MTFR1: variants seen among roughly 807,000 people sequenced by gnomAD.
The protein encoded by MTFR1 is mitochondrial fission regulator 1.
Under a neutral mutation model 38.8 loss-of-function variants are expected in MTFR1, and 28 were observed. That is an observed-to-expected ratio of 0.72 (90% CI 0.53 to 0.99). The LOEUF (loss-of-function observed/expected upper bound fraction) is 0.99. Ranked by LOEUF, MTFR1 falls within the 50% of genes least tolerant of loss-of-function variation. The probability of loss-of-function intolerance (pLI) is 0.00; values close to 1 mark genes in which losing one functional copy is unlikely to be tolerated. For synonymous variants in MTFR1, 145 were observed against 137.0 expected, an observed-to-expected ratio of 1.06 and a Z score of -0.41; for missense variants, 358 against 395.5, an observed-to-expected ratio of 0.91 and a Z score of 0.81.
intron 2 of MTFR1, among the ~76,000 whole-genome samples, chr8:65,678,698 C>T (rs910898466): frequency 6.6e-6 from 1 of 152,018 alleles, no homozygotes; most frequent in Admixed American, 6.6e-5. Context: ...GTCAGGAGTT[C>T]GAAACCAGCC....
chr8:65,644,972 C>G (rs977477974), intron 1 of MTFR1, among the ~76,000 whole-genome samples, 188 bp downstream of exon 1: 1 of 152,248 alleles, frequency 6.6e-6, no homozygotes, highest in East Asian at 1.9e-4. Flanking sequence ...GAGGCAGAGA[C>G]TGCCTCGGCT....
downstream of MTFR1, among the ~76,000 whole-genome samples, chr8:65,772,563 T>C (rs1809135468): frequency 6.6e-6 from 1 of 152,192 alleles, no homozygotes; most frequent in Non-Finnish European, 1.5e-5. Context: ...GTAAATAAAC[T>C]ACTGATATCT....
intron 3 of MTFR1, among the ~76,000 whole-genome samples, chr8:65,686,509 G>A (rs1419642505): frequency 6.6e-6 from 1 of 151,558 alleles, no homozygotes; most frequent in Non-Finnish European, 1.5e-5. Context: ...GAACCTGGGA[G>A]GCGGAGGTTG....
At chr8:65,739,523 T>C in intron 3 of MTFR1, 1 of 1,568,572 alleles carries the variant, frequency 6.4e-7, no homozygotes, top group Non-Finnish European at 8.6e-7. Context: ...CGAAGTTTCA[T>C]CATATCTAAA....
Position 65,767,146 on chromosome 8 carries a change from C to T in MTFR1, c.*49-3801C>T, listed in dbSNP as rs73240781. The stretch of plus-strand genomic sequence containing the variant: ...CTTTATTTGTGGCTAATCTTGTAGC[C>T]CTCAACACCAACACAGGATTGCATG... On this transcript the variant is annotated intron_variant, in intron 3 of 3. Transcript: ENST00000521247. Among the ~76,000 whole-genome samples, 1,382 of 152,194 alleles carry T rather than the reference C, an allele frequency of 9.1e-3. 11 individuals carry two copies. Among genetic ancestry groups the T allele is most frequent in the South Asian group, 0.024 (115 of 4,824 alleles).
At chr8:65,674,694 C>T (rs769907644) in intron 2 of MTFR1, among the ~76,000 whole-genome samples, 2 of 152,080 alleles carry the variant, frequency 1.3e-5, no homozygotes, top group African/African-American at 4.8e-5. Flanking sequence ...TTAGAACAGC[C>T]AGTGGTGATT....
chr8:65,710,988 TATAGAG>T (rs1019187872), downstream of MTFR1, among the ~76,000 whole-genome samples: 12 of 148,010 alleles, frequency 8.1e-5, no homozygotes, highest in Non-Finnish European at 1.3e-4. Flanking sequence ...CATATATATA[TATAGAG>T]AGAGAGAGAG....
At chr8:65,734,861 G>C (rs753005845) in intron 3 of MTFR1, 7 of 1,611,988 alleles carry the variant, frequency 4.3e-6, no homozygotes, top group Non-Finnish European at 5.9e-6. Context: ...GTTATGGTAA[G>C]GATTTTGACT....
chr8:65,668,809 C>T (rs191650683), intron 1 of MTFR1, among the ~76,000 whole-genome samples: 7 of 152,226 alleles, frequency 4.6e-5, no homozygotes, highest in Admixed American at 2.0e-4. Context: ...CCACCACGCC[C>T]GGCCTTAAGC....
chr8:65,711,767 CTAT>C (rs1233739163), downstream of MTFR1, among the ~76,000 whole-genome samples: 30 of 152,294 alleles, frequency 2.0e-4, no homozygotes, highest in Non-Finnish European at 2.9e-5. Flanking sequence ...CCTTCCAAGA[CTAT>C]TATTATCCTT....
intron 2 of MTFR1, among the ~76,000 whole-genome samples, chr8:65,671,647 G>A (rs1036569201): frequency 6.6e-5 from 10 of 151,718 alleles, no homozygotes; most frequent in African/African-American, 2.4e-4. Context: ...GCTTGCACAA[G>A]GAAGGGAAGT....
At chr8:65,652,111 T>A (rs756182762) in intron 1 of MTFR1, among the ~76,000 whole-genome samples, 9 of 152,034 alleles carry the variant, frequency 5.9e-5, no homozygotes, top group Non-Finnish European at 1.2e-4. Flanking sequence ...CTGGCTAATT[T>A]TTTTTTGAGA....
chr8:65,692,989 G>A (rs910419634), intron 3 of MTFR1, among the ~76,000 whole-genome samples: 3 of 148,508 alleles, frequency 2.0e-5, no homozygotes, highest in African/African-American at 5.0e-5. Context: ...TCCACTTCCC[G>A]GTTTGCTTGT....
At chr8:65,697,359 C>T (rs969321980) in intron 4 of MTFR1, among the ~76,000 whole-genome samples, 2 of 152,196 alleles carry the variant, frequency 1.3e-5, no homozygotes, top group African/African-American at 4.8e-5. Context: ...TACAGTCCTC[C>T]GCTCTACCAG....
chr8:65,689,935 T>C (rs1389852150), intron 3 of MTFR1, among the ~76,000 whole-genome samples: 1 of 152,226 alleles, frequency 6.6e-6, no homozygotes, highest in Non-Finnish European at 1.5e-5. Flanking sequence ...AGTTTTGGAA[T>C]TGGTTCTTGA....
intron 3 of MTFR1, among the ~76,000 whole-genome samples, chr8:65,760,703 T>C (rs1331490616): frequency 1.3e-5 from 2 of 152,166 alleles, no homozygotes; most frequent in South Asian, 2.1e-4. Flanking sequence ...CCCACTCCCC[T>C]CATCACACAG....
intron 3 of MTFR1, chr8:65,727,219 T>C: frequency 6.2e-7 from 1 of 1,613,724 alleles, no homozygotes; most frequent in Non-Finnish European, 8.5e-7. Flanking sequence ...GAAAGGTTGA[T>C]TAACACCTGG....
At chr8:65,756,288 G>A (rs2128911462) in intron 3 of MTFR1, among the ~76,000 whole-genome samples, 1 of 152,288 alleles carries the variant, frequency 6.6e-6, no homozygotes, top group South Asian at 2.1e-4. Context: ...TCTTGGATGT[G>A]CATATTCATG....
At chr8:65,658,249 TGTA>T (rs1198293117) in intron 1 of MTFR1, among the ~76,000 whole-genome samples, 9 of 152,202 alleles carry the variant, frequency 5.9e-5, no homozygotes, top group Non-Finnish European at 1.3e-4. Flanking sequence ...GCATCTTAAA[TGTA>T]GTGACAACAT....
Sources: gnomAD v4.1 joint callset for allele counts (sites outside exome capture counted in the v4.1 genomes callset) on GRCh38, gnomAD v4.1.1 for gene constraint, MANE v1.5 for transcripts, NCBI Gene and HGNC (gene_info 2026-07-23, HGNC 2026-07-21) for gene names.